CSMD1: variants seen among roughly 807,000 people sequenced by gnomAD.
CSMD1 encodes CUB and Sushi multiple domains 1, also known as CUB and sushi domain-containing protein 1.
CSMD1 carries 213 observed loss-of-function variants against 417.5 expected under a neutral mutation model. The observed-to-expected ratio is 0.51, with a 90% CI of 0.46 to 0.57. CSMD1 has a LOEUF of 0.57. Among genes scored for constraint, CSMD1 ranks in the 20% least tolerant of loss-of-function variants. The probability of loss-of-function intolerance (pLI) is 0.00; values close to 1 mark genes in which losing one functional copy is unlikely to be tolerated. For missense variants in CSMD1, 6,923 were observed against 4,529.7 expected (o/e 1.53, Z -15.17); for synonymous variants, 2,862 against 1,736.8 (o/e 1.65, Z -16.11).
At chr8:4,130,185 C>A (rs886082855) in intron 3 of CSMD1, among the ~76,000 whole-genome samples, 1 of 152,110 alleles carries the variant, frequency 6.6e-6, no homozygotes, top group Non-Finnish European at 1.5e-5. Context: ...TTAGTTCTTT[C>A]TTTCTCTTGA....
intron 58 of CSMD1, 74 bp downstream of exon 58, chr8:2,966,496 T>G: frequency 7.1e-7 from 1 of 1,401,266 alleles, no homozygotes; most frequent in Non-Finnish European, 9.8e-7. Context: ...TATAACACCT[T>G]AAAGTCATTT....
At chr8:3,338,589 C>A (rs1008827) in intron 23 of CSMD1, among the ~76,000 whole-genome samples, 97,298 of 151,976 alleles carry the variant, frequency 0.64, 31,872 homozygotes, top group African/African-American at 0.77. Context: ...CTGTTGTTGC[C>A]AAGTGCCTGG....
At chr8:4,173,836 T>C (rs1430179843) in intron 3 of CSMD1, among the ~76,000 whole-genome samples, 2 of 152,162 alleles carry the variant, frequency 1.3e-5, no homozygotes, top group Non-Finnish European at 2.9e-5. Context: ...GGCTTCTCAG[T>C]TCTTCCCTAC....
At chr8:4,788,023 C>A in intron 1 of CSMD1, 1 of 1,589,048 alleles carries the variant, frequency 6.3e-7, no homozygotes, top group East Asian at 2.2e-5. Context: ...AAAGAAGTAA[C>A]TCCTGAAGGG....
At chr8:3,965,829 G>A (rs762577630) in intron 5 of CSMD1, among the ~76,000 whole-genome samples, 1 of 152,078 alleles carries the variant, frequency 6.6e-6, no homozygotes, top group Admixed American at 6.6e-5. Flanking sequence ...ATGTTGGCCA[G>A]GCCGGTCTTG....
At chr8:4,422,275 T>G (rs558488622) in intron 2 of CSMD1, among the ~76,000 whole-genome samples, 1 of 152,112 alleles carries the variant, frequency 6.6e-6, no homozygotes, top group East Asian at 1.9e-4. Context: ...AGAATGCTTT[T>G]GTAGTAATTT....
intron 10 of CSMD1, among the ~76,000 whole-genome samples, chr8:3,509,410 A>AT: frequency 6.6e-6 from 1 of 152,138 alleles, no homozygotes; most frequent in East Asian, 1.9e-4. Context: ...ATTTTAGACA[A>AT]TTTTCTCAGG....
intron 1 of CSMD1, among the ~76,000 whole-genome samples, chr8:4,750,611 G>A (rs1253816163): frequency 6.6e-6 from 1 of 152,058 alleles, no homozygotes; most frequent in African/African-American, 2.4e-5. Context: ...CCAGCAATGA[G>A]ACTAAGAGAA....
chr8:3,568,274 A>C (rs1799800423), intron 10 of CSMD1, among the ~76,000 whole-genome samples: 1 of 152,178 alleles, frequency 6.6e-6, no homozygotes, highest in Non-Finnish European at 1.5e-5. Context: ...TACTCATCAG[A>C]ACACCTGTCA....
intron 3 of CSMD1, among the ~76,000 whole-genome samples, chr8:4,197,454 C>A (rs1202230780): frequency 6.6e-6 from 1 of 152,096 alleles, no homozygotes; most frequent in Non-Finnish European, 1.5e-5. Context: ...TGTAGGTGGG[C>A]CCCGTTTCAT....
At chr8:3,266,980 A>T (rs1197955064) in intron 26 of CSMD1, among the ~76,000 whole-genome samples, 1 of 152,186 alleles carries the variant, frequency 6.6e-6, no homozygotes, top group Non-Finnish European at 1.5e-5. Flanking sequence ...AAAGGAGAAG[A>T]CAAACAAGCT....
At chr8:4,902,418 C>T (rs1221905513) in intron 1 of CSMD1, among the ~76,000 whole-genome samples, 1 of 148,434 alleles carries the variant, frequency 6.7e-6, no homozygotes, top group South Asian at 2.2e-4. Context: ...GAACAAGAAC[C>T]CATCTCTAAA....
chr8:4,563,160 C>T (rs2466733), intron 2 of CSMD1, among the ~76,000 whole-genome samples: 2 of 151,886 alleles, frequency 1.3e-5, no homozygotes, highest in African/African-American at 2.4e-5. Context: ...TCAGCACTTT[C>T]GGAGGCCGAG....
chr8:4,048,239 A>C (rs887043073), intron 3 of CSMD1, among the ~76,000 whole-genome samples: 2 of 152,198 alleles, frequency 1.3e-5, no homozygotes, highest in African/African-American at 2.4e-5. Context: ...TTAGTCACTG[A>C]GATTAGAATG....
intron 2 of CSMD1, among the ~76,000 whole-genome samples, chr8:4,444,122 A>G (rs1472344448): frequency 1.3e-5 from 2 of 152,002 alleles, no homozygotes; most frequent in African/African-American, 4.8e-5. Flanking sequence ...CAGGTCGATC[A>G]CTTCAGGTCA....
intron 3 of CSMD1, among the ~76,000 whole-genome samples, chr8:4,237,948 C>G (rs1007301569): frequency 6.6e-6 from 1 of 152,160 alleles, no homozygotes; most frequent in Non-Finnish European, 1.5e-5. Context: ...AGCAGAGTCT[C>G]CAGGAGTTGT....
chr8:3,934,163 T>A (rs1285633520), intron 5 of CSMD1, among the ~76,000 whole-genome samples: 1 of 152,160 alleles, frequency 6.6e-6, no homozygotes, highest in Non-Finnish European at 1.5e-5. Context: ...TTTACAGAAA[T>A]AACTGAATAG....
Position 4,430,284 on chromosome 8 carries a change from G to A in CSMD1, c.303-10219C>T, listed in dbSNP as rs79652867. Among the ~76,000 whole-genome samples, 486 of 152,168 alleles carry A rather than the reference G, an allele frequency of 3.2e-3. 5 individuals carry two copies. Among genetic ancestry groups the A allele is most frequent in the African/African-American group, 0.011 (452 of 41,524 alleles). On this transcript the variant is annotated intron_variant, in intron 2 of 69. Transcript: ENST00000635120. ...CTAAAATCACATCTTATGTTTTGGTGCTGAAAAAATATTGCAGTTAAACCA... is the reference window on the plus strand; with the variant it reads ...CTAAAATCACATCTTATGTTTTGGTACTGAAAAAATATTGCAGTTAAACCA...
intron 5 of CSMD1, among the ~76,000 whole-genome samples, chr8:3,798,076 G>C (rs1800259655): frequency 6.6e-6 from 1 of 151,986 alleles, no homozygotes; most frequent in Non-Finnish European, 1.5e-5. Flanking sequence ...TTGAAGTATT[G>C]TGATGATTGA....
Sources: allele counts gnomAD v4.1 joint callset (sites outside exome capture counted in the v4.1 genomes callset), GRCh38; gene constraint gnomAD v4.1.1; transcripts MANE v1.5; gene names NCBI Gene and HGNC (gene_info 2026-07-23, HGNC 2026-07-21).